The following PPFIBP2 variants were observed in gnomAD, a reference collection of about 807,000 sequenced individuals.
PPFIBP2 encodes liprin-beta-2.
PPFIBP2 carries 118 observed loss-of-function variants against 118.3 expected under a neutral mutation model. The observed-to-expected ratio is 1.00, with a 90% CI of 0.86 to 1.16. The LOEUF is 1.16. PPFIBP2 is among the 50% of genes most tolerant of loss of function. The probability of loss-of-function intolerance (pLI) is 0.00; values close to 1 mark genes in which losing one functional copy is unlikely to be tolerated. For synonymous variants in PPFIBP2, 414 were observed against 397.4 expected (o/e 1.04, Z -0.50); for missense variants, 1,195 against 1,073.1 (o/e 1.11, Z -1.59).
intron 21 of PPFIBP2, among the ~76,000 whole-genome samples, chr11:7,650,248 C>T (rs976678992): frequency 1.3e-5 from 2 of 152,182 alleles, no homozygotes; most frequent in African/African-American, 2.4e-5. Flanking sequence ...CTCCTCTGTT[C>T]CTGGGAACTA....
At chr11:7,638,124 T>A (rs1197593551) in intron 14 of PPFIBP2, among the ~76,000 whole-genome samples, 1 of 152,218 alleles carries the variant, frequency 6.6e-6, no homozygotes, top group African/African-American at 2.4e-5. Flanking sequence ...TAGTATAATC[T>A]GAGATAATCT....
At chr11:7,617,682 AT>A (rs138574687) in intron 6 of PPFIBP2, among the ~76,000 whole-genome samples, 22 of 150,048 alleles carry the variant, frequency 1.5e-4, no homozygotes, top group African/African-American at 3.9e-4. Flanking sequence ...GTTTCACATG[AT>A]TTTTTTTTTA....
chr11:7,567,242 C>G (rs1224308296), intron 3 of PPFIBP2, among the ~76,000 whole-genome samples: 1 of 152,190 alleles, frequency 6.6e-6, no homozygotes, highest in Non-Finnish European at 1.5e-5. Context: ...ATGGTTAACT[C>G]CAATCCATCA....
chr11:7,561,484 CT>C (rs1409432658), intron 2 of PPFIBP2, among the ~76,000 whole-genome samples: 1 of 152,164 alleles, frequency 6.6e-6, no homozygotes, highest in Non-Finnish European at 1.5e-5. Context: ...GCTCTTGTGC[CT>C]ATAAAATCTT....
Position 7,639,769 on chromosome 11 carries a change from T to C in PPFIBP2, c.1274T>C (p.Leu425Ser). 6.2e-7 allele frequency: 1 copy of C among 1,614,136 alleles called. No homozygotes were observed. The highest frequency in any genetic ancestry group is 8.5e-7 in the Non-Finnish European group (1 of 1,180,000). The change falls in exon 15 of 24, where the codon TTA becomes TCA. Residue 425 changes from leucine to serine, a missense_variant. By Grantham distance (145) the Leu-to-Ser change is moderately radical. Coordinates refer to ENST00000299492, the MANE Select transcript of PPFIBP2 (RefSeq NM_003621.5). ...PFLAEHKYPT[L>S]PGKLSGATPN... ...TTGGCGGAGCACAAATATCCCACTT[T>C]ACCTGGGAAGCTTTCAGGAGCCACG...
chr11:7,610,645 C>T, intron 6 of PPFIBP2: 1 of 458,332 alleles, frequency 2.2e-6, no homozygotes, highest in Non-Finnish European at 3.9e-6. Flanking sequence ...GCTTTATCTG[C>T]CCTCAAACTG....
chr11:7,660,732 C>T (rs7941139), downstream of PPFIBP2, among the ~76,000 whole-genome samples: 47,821 of 149,532 alleles, frequency 0.32, 8,897 homozygotes, highest in Non-Finnish European at 0.42. Flanking sequence ...GTACCAGTTC[C>T]TCCTTGTACC....
chr11:7,597,867 G>A (rs1018474782), intron 5 of PPFIBP2, 194 bp downstream of exon 5: 1 of 559,144 alleles, frequency 1.8e-6, no homozygotes, highest in Non-Finnish European at 3.2e-6. Flanking sequence ...AGGGGGTAGG[G>A]AAGGGAAGGG....
At chr11:7,641,314 G>A (rs1852158731) in intron 15 of PPFIBP2, among the ~76,000 whole-genome samples, 165 bp from the exon 16 acceptor site, 1 of 152,214 alleles carries the variant, frequency 6.6e-6, no homozygotes, top group African/African-American at 2.4e-5. Flanking sequence ...AAGGAAGCCT[G>A]GAGTCCCCAC....
chr11:7,538,734 G>GC (rs34103290), intron 1 of PPFIBP2, among the ~76,000 whole-genome samples: 39,268 of 152,036 alleles, frequency 0.26, 5,613 homozygotes, highest in African/African-American at 0.39. Flanking sequence ...AATACCCGGT[G>GC]CATAAAACTC....
At chr11:7,538,131 G>A (rs1288750226) in intron 1 of PPFIBP2, 2 of 152,308 alleles carry the variant, frequency 1.3e-5, no homozygotes, top group Non-Finnish European at 2.9e-5. Flanking sequence ...CAGAAGGTCA[G>A]ATGTGCTTTT....
chr11:7,663,071 A>C, the PPFIBP2 span, among the ~76,000 whole-genome samples: 14 of 131,934 alleles, frequency 1.1e-4, no homozygotes, highest in African/African-American at 2.3e-4. Flanking sequence ...CAAAGTTTTC[A>C]ACTTCTTTGC....
rs765885291 is a variant in PPFIBP2 at position 7,642,396 on chromosome 11, C to T, written c.1616C>T (p.Ser539Phe). Residue 539 changes from serine to phenylalanine, a missense_variant, in exon 17 of 24, where the codon TCT (serine) becomes TTT (phenylalanine). By Grantham distance (155) the Ser-to-Phe change is radical. Coordinates refer to ENST00000299492, the MANE Select transcript of PPFIBP2 (RefSeq NM_003621.5). ...CGGGCAACCGCAGGGCCAAGACTCT[C>T]TAGGACCAGGGACTCCAAGGGACAG... is the stretch of plus-strand genomic sequence containing the variant. ...GLRATAGPRL[S>F]RTRDSKGQKS... 5.6e-6 allele frequency: 9 copies of T among 1,613,970 alleles called. No individual in the cohort carries two copies. Among genetic ancestry groups the T allele is most frequent in the Non-Finnish European group, 7.6e-6 (9 of 1,179,916 alleles).
intron 7 of PPFIBP2, among the ~76,000 whole-genome samples, chr11:7,622,339 A>G (rs1849448427): frequency 6.6e-6 from 1 of 152,130 alleles, no homozygotes; most frequent in African/African-American, 2.4e-5. Flanking sequence ...TGATCCATTC[A>G]CCTCCTACCA....
chr11:7,647,842 T>C (rs1041409491), intron 17 of PPFIBP2, among the ~76,000 whole-genome samples: 3 of 152,192 alleles, frequency 2.0e-5, no homozygotes, highest in African/African-American at 7.2e-5. Context: ...TGATGAAAAA[T>C]ATATTGTCCT....
intron 23 of PPFIBP2, 97 bp downstream of exon 23, chr11:7,651,941 G>C (rs1166216306): frequency 8.4e-7 from 1 of 1,193,330 alleles, no homozygotes; most frequent in Non-Finnish European, 1.2e-6. Context: ...AGCAGCATGC[G>C]CAGCCTGGAC....
At chr11:7,636,351 T>C (rs1267492505) in intron 14 of PPFIBP2, among the ~76,000 whole-genome samples, 9 of 152,168 alleles carry the variant, frequency 5.9e-5, no homozygotes, top group Admixed American at 5.9e-4. Flanking sequence ...TCTGCACGTC[T>C]GCATCTATAT....
In PPFIBP2 at chr11:7,651,721, GCTC is replaced by G; in HGVS notation, c.2317_2319del (p.Leu773del). The G allele has an allele frequency of 6.2e-7, 1 of 1,613,916 alleles. No individual in the cohort carries two copies. The highest frequency in any genetic ancestry group is 8.5e-7 in the Non-Finnish European group (1 of 1,179,824). On this transcript the variant is annotated inframe_deletion, in exon 23 of 24. Coordinates refer to ENST00000299492, the MANE Select transcript of PPFIBP2 (RefSeq NM_003621.5). ...TTCTCAACATCCCCCCACAAAAGAC[GCTC>G]CTCAGGCGCCACCTGACCACCAAGT...
intron 6 of PPFIBP2, among the ~76,000 whole-genome samples, chr11:7,619,526 T>C (rs1406709418): frequency 6.6e-6 from 1 of 152,152 alleles, no homozygotes; most frequent in Non-Finnish European, 1.5e-5. Flanking sequence ...GGTTTGATCA[T>C]ATCACTCCCC....
Sources: gnomAD v4.1 joint callset for allele counts (sites outside exome capture counted in the v4.1 genomes callset) on GRCh38, gnomAD v4.1.1 for gene constraint, MANE v1.5 for transcripts, NCBI Gene and HGNC (gene_info 2026-07-23, HGNC 2026-07-21) for gene names.